The following SLC30A10 variants were observed in gnomAD, a reference collection of about 807,000 sequenced individuals.
The protein encoded by SLC30A10 is solute carrier family 30 member 10, also known as calcium/manganese antiporter SLC30A10.
In SLC30A10, 8 loss-of-function variants were observed where a neutral mutation model predicts 21.7. That is an observed-to-expected ratio of 0.37 (90% CI 0.22 to 0.67). The LOEUF (loss-of-function observed/expected upper bound fraction) is 0.67, where lower values mean the gene tolerates loss of function less well. Ranked by LOEUF, SLC30A10 falls within the 30% of genes least tolerant of loss-of-function variation. The probability of loss-of-function intolerance (pLI) is 0.58; values close to 1 mark genes in which losing one functional copy is unlikely to be tolerated. For synonymous variants in SLC30A10, 272 were observed against 279.4 expected, an observed-to-expected ratio of 0.97 and a Z score of 0.26; for missense variants, 521 against 642.5, an observed-to-expected ratio of 0.81 and a Z score of 2.04.
At chr1:219,930,204 G>A (rs2102537425), upstream of SLC30A10, among the ~76,000 whole-genome samples, 1 of 152,146 alleles carries the variant, frequency 6.6e-6, no homozygotes, top group South Asian at 2.1e-4. Flanking sequence ...AGGCGTGGTG[G>A]CTTACACCTG....
At chr1:219,943,354 C>G (rs374150508) in intron 1 of SLC30A10, among the ~76,000 whole-genome samples, 3 of 152,120 alleles carry the variant, frequency 2.0e-5, no homozygotes, top group African/African-American at 7.2e-5. Context: ...CCTGATCTCC[C>G]GCACCTGCTC....
Position 219,915,580 on chromosome 1 carries a change from C to T in SLC30A10, c.1327G>A (p.Asp443Asn), listed in dbSNP as rs771585686. 1.9e-6 allele frequency: 3 copies of T among 1,614,264 alleles called. No homozygotes were observed. In the South Asian group the frequency reaches 3.3e-5, roughly 18 times the overall value. ...CTTGCGTCTCTTCTACTGAGGCCAT[C>T]ACTTCCGTATGTGTCTAGAGAGGGC... ...GGPSLDTYGS[D>N]GLSRRDAREV... The change falls in exon 4 of 4, where the codon GAT (aspartate) becomes AAT (asparagine). Residue 443 changes from aspartate (D) to asparagine (N), a missense_variant. Physicochemically the swap from Asp to Asn is conservative, Grantham distance 23. Transcript: ENST00000366926.
At chr1:219,945,462 T>C (rs1660173816) in intron 1 of SLC30A10, among the ~76,000 whole-genome samples, 1 of 152,128 alleles carries the variant, frequency 6.6e-6, no homozygotes, top group Non-Finnish European at 1.5e-5. Flanking sequence ...GGCAGGTTAA[T>C]GAGAACCGAA....
chr1:219,937,706 C>T (rs1319461921), intron 1 of SLC30A10, among the ~76,000 whole-genome samples: 1 of 152,176 alleles, frequency 6.6e-6, no homozygotes, highest in African/African-American at 2.4e-5. Context: ...CCCAGCTACT[C>T]GGGAGGCTGA....
upstream of SLC30A10, among the ~76,000 whole-genome samples, chr1:219,932,493 C>A (rs988362482): frequency 2.0e-5 from 3 of 151,988 alleles, no homozygotes; most frequent in Non-Finnish European, 4.4e-5. Flanking sequence ...CAAGAGATGA[C>A]ATTGCCTTTG....
intron 2 of SLC30A10, among the ~76,000 whole-genome samples, chr1:219,926,435 C>G (rs1429742746): frequency 2.0e-5 from 3 of 152,146 alleles, no homozygotes; most frequent in Non-Finnish European, 2.9e-5. Context: ...CAGCGAGAAA[C>G]ACATCTCAAA....
intron 1 of SLC30A10, among the ~76,000 whole-genome samples, chr1:219,951,647 G>A (rs1193642978): frequency 6.6e-6 from 1 of 151,874 alleles, no homozygotes; most frequent in Non-Finnish European, 1.5e-5. Context: ...CGTGAACCCA[G>A]GAGGCGGAGC....
intron 1 of SLC30A10, among the ~76,000 whole-genome samples, chr1:219,935,038 TTCA>T (rs1336202156): frequency 1.3e-5 from 2 of 152,090 alleles, no homozygotes; most frequent in East Asian, 1.9e-4. Context: ...TCATTCAGAG[TTCA>T]TCATCATTTA....
chr1:219,926,897 T>C, intron 2 of SLC30A10, 131 bp downstream of exon 2: 1 of 672,238 alleles, frequency 1.5e-6, no homozygotes, highest in Non-Finnish European at 2.6e-6. Context: ...GAGAGTTGGG[T>C]CATAGTCTAT....
Position 219,915,659 on chromosome 1 carries a change from G to A in SLC30A10, c.1248C>T (p.Pro416=), listed in dbSNP as rs781687046. ...SKGCAKQLCC[P]PGALPLAHVN... ...CGTGAGCCAGAGGCAGTGCCCCGGG[G>A]GGACAACACAGCTGCTTAGCACAGC... Residue 416 remains proline, a synonymous_variant, in exon 4 of 4, where the codon CCC becomes CCT. Coordinates refer to ENST00000366926, the MANE Select transcript of SLC30A10 (RefSeq NM_018713.3). 44 of 1,614,216 alleles carry A rather than the reference G, an allele frequency of 2.7e-5. No homozygotes were observed. In the South Asian group the frequency reaches 4.8e-4, roughly 18 times the overall value.
At chr1:219,921,745 A>G (rs1659680170) in intron 2 of SLC30A10, among the ~76,000 whole-genome samples, 1 of 152,178 alleles carries the variant, frequency 6.6e-6, no homozygotes, top group Admixed American at 6.5e-5. Flanking sequence ...TGTTTAAAGC[A>G]GTATCCCACT....
At chr1:219,927,744 C>T (rs1285887257) in intron 1 of SLC30A10, 57 bp downstream of exon 1, 1 of 1,428,386 alleles carries the variant, frequency 7.0e-7, no homozygotes, top group African/African-American at 1.5e-5. Context: ...AAGAAAGGGA[C>T]CGGGTGGGAG....
At chr1:219,953,663 A>AATTTTATTTT (rs372851865) in intron 1 of SLC30A10, among the ~76,000 whole-genome samples, 3,502 of 135,696 alleles carry the variant, frequency 0.026, 139 homozygotes, top group African/African-American at 0.074. Flanking sequence ...CAGCTTCTCA[A>AATTTTATTTT]ATTTTATTTT....
At chr1:219,921,400 C>G (rs2102528642) in intron 2 of SLC30A10, among the ~76,000 whole-genome samples, 1 of 152,314 alleles carries the variant, frequency 6.6e-6, no homozygotes, top group South Asian at 2.1e-4. Context: ...GGATATCAAT[C>G]TGGGTGGTCT....
Position 219,915,466 on chromosome 1 carries a change from T to G in SLC30A10, c.1441A>C (p.Asn481His). Residue 481 changes from asparagine (N) to histidine (H), a missense_variant, in exon 4 of 4, where the codon AAC becomes CAC. By Grantham distance (68) the Asn-to-His change is moderately conservative. Coordinates refer to ENST00000366926, the MANE Select transcript of SLC30A10 (RefSeq NM_018713.3). ...GTACCAGATTAAAAATGCGTTCTGT[T>G]GACATAACATTGGTCCTCCTGAGTT... ...NKTQEDQCYV[N>H]RTHF 6.2e-7 allele frequency: 1 copy of G among 1,614,024 alleles called. No homozygotes were observed. Among genetic ancestry groups the G allele is most frequent in the South Asian group, 1.1e-5 (1 of 91,052 alleles).
At chr1:219,930,614 C>G (rs1424096142), upstream of SLC30A10, among the ~76,000 whole-genome samples, 1 of 152,204 alleles carries the variant, frequency 6.6e-6, no homozygotes, top group East Asian at 1.9e-4. Context: ...CAAGTCCCAC[C>G]TTACACCAGA....
chr1:219,938,341 A>G (rs1030642793), intron 1 of SLC30A10, among the ~76,000 whole-genome samples: 3 of 152,196 alleles, frequency 2.0e-5, no homozygotes, highest in Non-Finnish European at 4.4e-5. Flanking sequence ...GGCGCCTCCA[A>G]AGGCCCATCA....
At chr1:219,939,718 A>G (rs1214475997) in intron 1 of SLC30A10, among the ~76,000 whole-genome samples, 6 of 152,108 alleles carry the variant, frequency 3.9e-5, no homozygotes, top group African/African-American at 1.4e-4. Flanking sequence ...GTGAGCCACC[A>G]CACCTGGCCC....
Position 219,915,637 on chromosome 1 carries a change from G to A in SLC30A10, c.1270C>T (p.His424Tyr), listed in dbSNP as rs375331656. The A allele has an allele frequency of 7.6e-5, 123 of 1,614,130 alleles. No individual in the cohort carries two copies. The Middle Eastern group carries it at 8.2e-4, about 11-fold the overall frequency. The change falls in exon 4 of 4, where the codon CAC (histidine) becomes TAC (tyrosine). Residue 424 changes from histidine to tyrosine, a missense_variant. Coordinates refer to ENST00000366926, the MANE Select transcript of SLC30A10 (RefSeq NM_018713.3). ...CCPPGALPLA[H>Y]VNGCAEHNGG... ...TTGTGCTCAGCACAGCCATTGACGT[G>A]AGCCAGAGGCAGTGCCCCGGGGGGA...
Sources: gnomAD v4.1 joint callset for allele counts (sites outside exome capture counted in the v4.1 genomes callset) on GRCh38, gnomAD v4.1.1 for gene constraint, MANE v1.5 for transcripts, NCBI Gene and HGNC (gene_info 2026-07-23, HGNC 2026-07-21) for gene names.